GNB4: variants seen among roughly 807,000 people sequenced by gnomAD.
The protein encoded by GNB4 is guanine nucleotide-binding protein subunit beta-4.
A neutral mutation model predicts 45.2 loss-of-function variants in GNB4; 28 were observed. That is an observed-to-expected ratio of 0.62 (90% CI 0.46 to 0.85). The LOEUF (loss-of-function observed/expected upper bound fraction) is 0.85. GNB4 is among the 40% of genes least tolerant of loss of function. The probability of loss-of-function intolerance (pLI) is 0.00; values close to 1 mark genes in which losing one functional copy is unlikely to be tolerated. For synonymous variants in GNB4, 132 were observed against 143.7 expected (o/e 0.92, Z 0.58); for missense variants, 321 against 425.4 (o/e 0.75, Z 2.16).
chr3:179,527,786 ATGTATGTGTGTGTGTGTGTGTGTG>A, the GNB4 span, among the ~76,000 whole-genome samples: 1 of 124,826 alleles, frequency 8.0e-6, no homozygotes, highest in African/African-American at 3.1e-5. Flanking sequence ...GCGTGTGTGT[ATGTATGTGTGTGTGTGTGTGTGTG>A]TGTGTGTGTG....
intron 1 of GNB4, among the ~76,000 whole-genome samples, chr3:179,446,924 T>C (rs1715747290): frequency 6.6e-6 from 1 of 152,208 alleles, no homozygotes. Flanking sequence ...GTGCCAAACA[T>C]ATTCTAGGCT....
At chr3:179,449,416 A>G (rs888418037) in intron 1 of GNB4, among the ~76,000 whole-genome samples, 9 of 152,208 alleles carry the variant, frequency 5.9e-5, no homozygotes, top group Non-Finnish European at 8.8e-5. Flanking sequence ...AAAAACAAAC[A>G]TGCTTCTGGC....
At chr3:179,429,624 AG>A (rs1389960426) in intron 1 of GNB4, among the ~76,000 whole-genome samples, 1 of 152,160 alleles carries the variant, frequency 6.6e-6, no homozygotes, top group Non-Finnish European at 1.5e-5. Context: ...GCCTTTTCAC[AG>A]TACCCTAGCC....
chr3:179,404,539 G>C (rs1331196466), intron 9 of GNB4, among the ~76,000 whole-genome samples: 1 of 152,110 alleles, frequency 6.6e-6, no homozygotes, highest in Non-Finnish European at 1.5e-5. Flanking sequence ...AAAACAAAGG[G>C]GGCGGGGAGA....
chr3:179,401,257 C>T lies in GNB4; in HGVS notation c.979G>A (p.Val327Met). The T allele has an allele frequency of 1.9e-6, 3 of 1,613,810 alleles. No individual in the cohort carries two copies. The highest frequency in any genetic ancestry group is 2.5e-6 in the Non-Finnish European group (3 of 1,179,870). The stretch of plus-strand genomic sequence containing the variant: ...AAACTGTCCCAAGAGCCTGTTGCCA[C>T]AGCCATGCCATCATCAGTTACACCT... The part of the protein sequence containing the change: ...CLGVTDDGMA[V>M]ATGSWDSFLR... The change falls in exon 10 of 10, where the codon GTG becomes ATG. Residue 327 changes from valine (V) to methionine (M), a missense_variant. Val to Met is a conservative substitution (Grantham distance 21, BLOSUM62 1). Transcript: ENST00000232564.
chr3:179,520,831 A>G, the GNB4 span, among the ~76,000 whole-genome samples: 4 of 152,134 alleles, frequency 2.6e-5, no homozygotes, highest in East Asian at 7.7e-4. Flanking sequence ...CCCTGATCAC[A>G]CTTGGTTTAT....
At chr3:179,466,958 G>C in the GNB4 span, among the ~76,000 whole-genome samples, 1 of 152,102 alleles carries the variant, frequency 6.6e-6, no homozygotes, top group Non-Finnish European at 1.5e-5. Flanking sequence ...TGTTAAGGGT[G>C]GATTTTTAGC....
the GNB4 span, among the ~76,000 whole-genome samples, chr3:179,489,512 A>G: frequency 6.6e-6 from 1 of 152,090 alleles, no homozygotes; most frequent in Non-Finnish European, 1.5e-5. Flanking sequence ...ATGGTTGTAC[A>G]TGTCTATAGT....
At chr3:179,523,852 A>G in the GNB4 span, among the ~76,000 whole-genome samples, 18 of 152,274 alleles carry the variant, frequency 1.2e-4, no homozygotes, top group East Asian at 5.8e-4. Flanking sequence ...AGGTGTGGCT[A>G]TAGCCTAGGA....
chr3:179,499,994 G>T, the GNB4 span, among the ~76,000 whole-genome samples: 1 of 152,232 alleles, frequency 6.6e-6, no homozygotes, highest in East Asian at 1.9e-4. Context: ...TTTGTCACAT[G>T]AATAGATTGC....
chr3:179,467,560 A>T, the GNB4 span, among the ~76,000 whole-genome samples: 2 of 152,164 alleles, frequency 1.3e-5, no homozygotes, highest in Non-Finnish European at 2.9e-5. Flanking sequence ...TTTTCTTTAA[A>T]AAAGAAAGCA....
chr3:179,490,837 G>C, the GNB4 span, among the ~76,000 whole-genome samples: 470 of 152,192 alleles, frequency 3.1e-3, 2 homozygotes, highest in African/African-American at 0.01. Context: ...CAGACACACC[G>C]AAAAATAATG....
intron 1 of GNB4, among the ~76,000 whole-genome samples, chr3:179,429,460 G>C (rs1715241185): frequency 6.6e-6 from 1 of 152,104 alleles, no homozygotes; most frequent in East Asian, 1.9e-4. Flanking sequence ...CTTGTAAGTA[G>C]GTAAAGATCC....
the GNB4 span, among the ~76,000 whole-genome samples, chr3:179,505,433 G>C: frequency 6.6e-6 from 1 of 152,132 alleles, no homozygotes; most frequent in Non-Finnish European, 1.5e-5. Context: ...GTCAGAGAAG[G>C]GAAGAAGGGA....
chr3:179,463,216 C>G, the GNB4 span, among the ~76,000 whole-genome samples: 2 of 152,184 alleles, frequency 1.3e-5, no homozygotes, highest in Non-Finnish European at 2.9e-5. Flanking sequence ...AGTCAACACA[C>G]TTCTCTCTGA....
the GNB4 span, chr3:179,465,165 T>C: frequency 3.2e-6 from 4 of 1,268,472 alleles, no homozygotes; most frequent in South Asian, 3.6e-5. Flanking sequence ...GTCACTGATA[T>C]GGGAATAAAT....
intron 1 of GNB4, among the ~76,000 whole-genome samples, chr3:179,427,261 C>T (rs192323449): frequency 6.6e-6 from 1 of 152,136 alleles, no homozygotes; most frequent in Non-Finnish European, 1.5e-5. Flanking sequence ...CACTATGAGA[C>T]TCAACACCAT....
At chr3:179,499,426 C>T in the GNB4 span, among the ~76,000 whole-genome samples, 33 of 152,118 alleles carry the variant, frequency 2.2e-4, no homozygotes, top group Non-Finnish European at 3.1e-4. Flanking sequence ...CCCAAAGTGC[C>T]GGGATTACAG....
intron 8 of GNB4, 55 bp from the exon 9 acceptor site, chr3:179,405,461 G>C: frequency 8.1e-7 from 1 of 1,235,212 alleles, no homozygotes; most frequent in Non-Finnish European, 1.1e-6. Flanking sequence ...AATCATAGGA[G>C]GCAATGTAAT....
Sources: gnomAD v4.1 joint callset for allele counts (sites outside exome capture counted in the v4.1 genomes callset) on GRCh38, gnomAD v4.1.1 for gene constraint, MANE v1.5 for transcripts, NCBI Gene and HGNC (gene_info 2026-07-23, HGNC 2026-07-21) for gene names.